Variants in GRM8 observed in about 807,000 individuals in gnomAD.
GRM8 encodes the protein glutamate metabotropic receptor 8.
Under a neutral mutation model 87.2 loss-of-function variants are expected in GRM8, and 47 were observed. The observed-to-expected ratio is 0.54, with a 90% CI of 0.43 to 0.69. The LOEUF (loss-of-function observed/expected upper bound fraction) is 0.69. GRM8 is among the 30% of genes least tolerant of loss of function. The pLI is 0.00. For synonymous variants in GRM8, 396 were observed against 404.5 expected (o/e 0.98, Z 0.25); for missense variants, 1,019 against 1,139.2 (o/e 0.89, Z 1.52).
intron 2 of GRM8, among the ~76,000 whole-genome samples, chr7:127,223,439 A>G (rs73720682): frequency 0.01 from 802 of 78,072 alleles, 12 homozygotes; most frequent in African/African-American, 0.073. Context: ...CCACACACAC[A>G]CACGCACACA....
intron 9 of GRM8, among the ~76,000 whole-genome samples, chr7:126,509,514 C>T (rs921329245): frequency 3.3e-5 from 5 of 151,948 alleles, no homozygotes; most frequent in South Asian, 2.1e-4. Context: ...GTAGAAAGCA[C>T]ATTAAAACAA....
chr7:126,509,875 CA>C (rs1334433258), intron 9 of GRM8, among the ~76,000 whole-genome samples: 1 of 151,964 alleles, frequency 6.6e-6, no homozygotes, highest in African/African-American at 2.4e-5. Context: ...GTGATGATAA[CA>C]GGTGAGAAAT....
At chr7:126,784,570 T>C (rs1348351480) in intron 6 of GRM8, among the ~76,000 whole-genome samples, 2 of 152,144 alleles carry the variant, frequency 1.3e-5, no homozygotes, top group African/African-American at 2.4e-5. Flanking sequence ...CATTTAAACA[T>C]AATGGCACAA....
At chr7:126,763,902 G>A (rs11768413) in intron 7 of GRM8, among the ~76,000 whole-genome samples, 55,976 of 151,426 alleles carry the variant, frequency 0.37, 11,716 homozygotes, top group Non-Finnish European at 0.47. Context: ...ATGTCTCTCC[G>A]TTTTTTCAAA....
chr7:126,671,837 G>A (rs996063239), intron 7 of GRM8, among the ~76,000 whole-genome samples: 2 of 152,206 alleles, frequency 1.3e-5, no homozygotes. Context: ...ATCTGGGTGT[G>A]TCACAAGACA....
chr7:127,213,974 G>A (rs1332259445), intron 2 of GRM8, among the ~76,000 whole-genome samples: 1 of 152,168 alleles, frequency 6.6e-6, no homozygotes, highest in Non-Finnish European at 1.5e-5. Context: ...GCTGTAGAAT[G>A]TGGCATATTC....
intron 8 of GRM8, among the ~76,000 whole-genome samples, chr7:126,550,178 G>C (rs1792425289): frequency 6.6e-6 from 1 of 151,964 alleles, no homozygotes; most frequent in East Asian, 1.9e-4. Context: ...GCAGTGGAGT[G>C]ATCTCGGTTC....
At chr7:126,573,377 G>T (rs960749844) in intron 8 of GRM8, among the ~76,000 whole-genome samples, 6 of 152,018 alleles carry the variant, frequency 3.9e-5, no homozygotes, top group Non-Finnish European at 7.4e-5. Context: ...ATATATTTTA[G>T]CATTTTTTAA....
intron 7 of GRM8, among the ~76,000 whole-genome samples, chr7:126,737,967 T>G (rs935067782): frequency 7.2e-5 from 11 of 152,062 alleles, no homozygotes; most frequent in Admixed American, 7.2e-4. Context: ...ACTTTTGACC[T>G]CAGTTTTGAA....
At chr7:127,110,278 C>T (rs1000779116) in intron 2 of GRM8, among the ~76,000 whole-genome samples, 3 of 152,152 alleles carry the variant, frequency 2.0e-5, no homozygotes, top group South Asian at 4.1e-4. Flanking sequence ...GAACACTCCC[C>T]TATGACAAGT....
intron 8 of GRM8, among the ~76,000 whole-genome samples, chr7:126,535,848 A>G (rs985796846): frequency 6.6e-6 from 1 of 152,068 alleles, no homozygotes; most frequent in African/African-American, 2.4e-5. Context: ...AACAAGCACC[A>G]ACTTCCCATG....
At chr7:126,577,539 A>G (rs1242221525) in intron 8 of GRM8, among the ~76,000 whole-genome samples, 1 of 150,272 alleles carries the variant, frequency 6.7e-6, no homozygotes, top group Non-Finnish European at 1.5e-5. Flanking sequence ...CTACTCTAAT[A>G]TATGTCCTAG....
Position 126,632,898 on chromosome 7 carries a change from G to C in GRM8, c.1358-23400C>G, listed in dbSNP as rs144960891. ...CCTGTCAGATGGTAGAGGATAGGAGGAGCGAGAGCATGATATAGAGACACG... is the reference window on the plus strand; with the variant it reads ...CCTGTCAGATGGTAGAGGATAGGAGCAGCGAGAGCATGATATAGAGACACG... On this transcript the variant is annotated intron_variant, in intron 7 of 10. Coordinates refer to ENST00000339582, the MANE Select transcript of GRM8 (RefSeq NM_000845.3). Among the ~76,000 whole-genome samples, 365 of 152,180 alleles carry C rather than the reference G, an allele frequency of 2.4e-3. 1 individual carries two copies. Among genetic ancestry groups the C allele is most frequent in the African/African-American group, 8.5e-3 (351 of 41,538 alleles).
At chr7:126,950,738 C>T (rs1186188403) in intron 3 of GRM8, among the ~76,000 whole-genome samples, 1 of 152,026 alleles carries the variant, frequency 6.6e-6, no homozygotes, top group Non-Finnish European at 1.5e-5. Flanking sequence ...CTTATCATTC[C>T]TATTGTATAA....
Position 126,471,114 on chromosome 7 carries a change from C to T in GRM8, c.2431-24742G>A, listed in dbSNP as rs1027977379. Reference sequence around the variant, plus strand: ...AGCCCTTTGTCAGATGAGTAGGTTGCGAAAATTTTCTCCCATTTTGTGGGT... The same window carrying T: ...AGCCCTTTGTCAGATGAGTAGGTTGTGAAAATTTTCTCCCATTTTGTGGGT... On this transcript the variant is annotated intron_variant, in intron 9 of 10. Coordinates refer to ENST00000339582, the MANE Select transcript of GRM8 (RefSeq NM_000845.3). Among the ~76,000 whole-genome samples, 100 of 151,938 alleles carry T rather than the reference C, an allele frequency of 6.6e-4. No individual in the cohort carries two copies. In the South Asian group the frequency reaches 0.014, roughly 21 times the overall value.
At chr7:126,882,002 G>A (rs1305324063) in intron 6 of GRM8, among the ~76,000 whole-genome samples, 2 of 152,028 alleles carry the variant, frequency 1.3e-5, no homozygotes, top group African/African-American at 4.8e-5. Context: ...TCCATCCCCT[G>A]GCCTTAACAA....
At chr7:126,954,786 C>T (rs1808508168) in intron 3 of GRM8, among the ~76,000 whole-genome samples, 1 of 152,098 alleles carries the variant, frequency 6.6e-6, no homozygotes, top group African/African-American at 2.4e-5. Flanking sequence ...TACATGCTTG[C>T]TTTTATTGTA....
chr7:126,614,445 C>T (rs1427368654), intron 7 of GRM8, among the ~76,000 whole-genome samples: 1 of 152,058 alleles, frequency 6.6e-6, no homozygotes, highest in African/African-American at 2.4e-5. Flanking sequence ...AGCTGAAAAG[C>T]TGAAAATTCT....
chr7:126,791,592 T>C (rs545756467), intron 6 of GRM8, among the ~76,000 whole-genome samples: 12 of 152,320 alleles, frequency 7.9e-5, no homozygotes, highest in Non-Finnish European at 1.6e-4. Flanking sequence ...AACTGACTTG[T>C]AATGTCTATT....
Sources: gnomAD v4.1 joint callset for allele counts (sites outside exome capture counted in the v4.1 genomes callset) on GRCh38, gnomAD v4.1.1 for gene constraint, MANE v1.5 for transcripts, NCBI Gene and HGNC (gene_info 2026-07-23, HGNC 2026-07-21) for gene names.